CCDC148: variants seen among roughly 807,000 people sequenced by gnomAD.
CCDC148 encodes coiled-coil domain-containing protein 148.
CCDC148 carries 89 observed loss-of-function variants against 85.7 expected under a neutral mutation model. The observed-to-expected ratio is 1.04, with a 90% CI of 0.87 to 1.24. The LOEUF (loss-of-function observed/expected upper bound fraction) is 1.24, where lower values mean the gene tolerates loss of function less well. CCDC148 is among the 50% of genes most tolerant of loss of function. The pLI is 0.00. For synonymous variants in CCDC148, 230 were observed against 213.9 expected, an observed-to-expected ratio of 1.08 and a Z score of -0.66; for missense variants, 692 against 671.7, an observed-to-expected ratio of 1.03 and a Z score of -0.33.
chr2:158,242,423 C>T (rs1479219785), intron 10 of CCDC148, among the ~76,000 whole-genome samples: 3 of 152,220 alleles, frequency 2.0e-5, no homozygotes, highest in East Asian at 3.9e-4. Flanking sequence ...TCTTATCATA[C>T]AAATGCAAAT....
intron 9 of CCDC148, among the ~76,000 whole-genome samples, chr2:158,283,750 A>G (rs1005886169): frequency 1.3e-5 from 2 of 151,946 alleles, no homozygotes; most frequent in Middle Eastern, 3.2e-3. Flanking sequence ...TAGAAATACC[A>G]TTTGACCCAG....
At chr2:158,394,502 G>T (rs1186820895) in intron 1 of CCDC148, among the ~76,000 whole-genome samples, 1 of 151,928 alleles carries the variant, frequency 6.6e-6, no homozygotes, top group Non-Finnish European at 1.5e-5. Flanking sequence ...GCTGTTTTGG[G>T]CAAAGCTGTC....
At chr2:158,352,925 C>T (rs1342691448) in intron 2 of CCDC148, among the ~76,000 whole-genome samples, 1 of 151,544 alleles carries the variant, frequency 6.6e-6, no homozygotes, top group Admixed American at 6.6e-5. Context: ...CAATATTCAA[C>T]ATTCTTAAAG....
chr2:158,353,038 T>A (rs1683407999), intron 2 of CCDC148, among the ~76,000 whole-genome samples: 1 of 151,488 alleles, frequency 6.6e-6, no homozygotes, highest in Non-Finnish European at 1.5e-5. Flanking sequence ...AGAGATTTTG[T>A]CACCACCACG....
intron 1 of CCDC148, chr2:158,380,948 C>G (rs556192872): frequency 2.0e-5 from 3 of 152,028 alleles, no homozygotes; most frequent in Admixed American, 2.0e-4. Context: ...TCCTACTTCC[C>G]AACAGTCACA....
At chr2:158,268,214 G>C (rs1689554944) in intron 9 of CCDC148, among the ~76,000 whole-genome samples, 1 of 152,088 alleles carries the variant, frequency 6.6e-6, no homozygotes, top group African/African-American at 2.4e-5. Context: ...AATGCATAAG[G>C]GTTCCAGTTG....
At chr2:158,235,753 T>G (rs748291469) in intron 10 of CCDC148, 1 of 152,110 alleles carries the variant, frequency 6.6e-6, no homozygotes, top group Non-Finnish European at 1.5e-5. Context: ...CACTGAAAAT[T>G]AGGATAAGTT....
chr2:158,218,574 G>A (rs1044737049), intron 11 of CCDC148, among the ~76,000 whole-genome samples: 1 of 152,226 alleles, frequency 6.6e-6, no homozygotes, highest in East Asian at 1.9e-4. Flanking sequence ...GGTAATTTTA[G>A]TGGAAGCCTG....
At chr2:158,349,696 C>T (rs1683165835) in intron 2 of CCDC148, among the ~76,000 whole-genome samples, 1 of 151,846 alleles carries the variant, frequency 6.6e-6, no homozygotes. Flanking sequence ...AATTAGAAGA[C>T]TCCAAAAAAT....
In CCDC148 at chr2:158,347,929, A is replaced by G. The variant is rs182194727; in HGVS notation, c.148-2611T>C. ...AAAAAGAAAAAACAACTACAGTAAG[A>G]TGCAATTTCTCATTTATCGGGTTGA... is the stretch of plus-strand genomic sequence containing the variant. On this transcript the variant is annotated intron_variant, in intron 2 of 13. Transcript: ENST00000283233. Among the ~76,000 whole-genome samples the G allele has an allele frequency of 7.2e-4, 110 of 152,230 alleles. 1 individual carries two copies. The highest frequency in any genetic ancestry group is 2.5e-3 in the African/African-American group (105 of 41,584).
chr2:158,346,637 T>C (rs1683009456), intron 2 of CCDC148, among the ~76,000 whole-genome samples: 1 of 152,212 alleles, frequency 6.6e-6, no homozygotes. Flanking sequence ...AACCGAAGTA[T>C]TCCATATTAA....
chr2:158,348,189 C>T (rs997541759), intron 2 of CCDC148, among the ~76,000 whole-genome samples: 3 of 151,960 alleles, frequency 2.0e-5, no homozygotes, highest in African/African-American at 4.8e-5. Flanking sequence ...CACTGCAGTA[C>T]CATTTGTAAT....
Position 158,350,293 on chromosome 2 carries a change from A to G in CCDC148, c.148-4975T>C, listed in dbSNP as rs536792408. 2.0e-5 allele frequency among the ~76,000 whole-genome samples: 3 copies of G among 152,314 alleles called. No homozygotes were observed. In the South Asian group the frequency reaches 6.2e-4, roughly 32 times the overall value. On this transcript the variant is annotated intron_variant, in intron 2 of 13. Transcript: ENST00000283233. ...ACCAAAGAGAAATTCACTTTGATAA[A>G]ATACTGATTTTAACACTCAACCATT...
intron 11 of CCDC148, among the ~76,000 whole-genome samples, chr2:158,193,560 C>A (rs1037180138): frequency 6.6e-6 from 1 of 151,670 alleles, no homozygotes; most frequent in Non-Finnish European, 1.5e-5. Flanking sequence ...CAGATAGTAA[C>A]GATAATCCTT....
At chr2:158,446,477 A>G (rs1204715060) in intron 1 of CCDC148, among the ~76,000 whole-genome samples, 1 of 152,040 alleles carries the variant, frequency 6.6e-6, no homozygotes, top group Admixed American at 6.6e-5. Context: ...TTTAATGTTT[A>G]ACAGCTGGGT....
At chr2:158,377,282 G>GT (rs201309471) in intron 1 of CCDC148, among the ~76,000 whole-genome samples, 4,070 of 151,708 alleles carry the variant, frequency 0.027, 73 homozygotes, top group Middle Eastern at 0.092. Context: ...CGATGGTGTG[G>GT]GGGGGGTGGG....
intron 9 of CCDC148, among the ~76,000 whole-genome samples, chr2:158,275,685 T>C (rs920779452): frequency 2.0e-5 from 3 of 151,646 alleles, no homozygotes; most frequent in African/African-American, 7.3e-5. Flanking sequence ...CAGTTGGTTA[T>C]ATTTATGCAA....
intron 9 of CCDC148, among the ~76,000 whole-genome samples, chr2:158,255,297 A>G (rs995454061): frequency 1.3e-5 from 2 of 150,548 alleles, no homozygotes; most frequent in Non-Finnish European, 3.0e-5. Flanking sequence ...TGGTACCAGG[A>G]AAAAAAAAGG....
rs369631076 is a variant in CCDC148 at position 158,220,588 on chromosome 2, C to A, written c.1370+7G>T. The A allele has an allele frequency of 1.3e-6, 2 of 1,593,092 alleles. No homozygotes were observed. Among genetic ancestry groups the A allele is most frequent in the African/African-American group, 1.3e-5 (1 of 74,174 alleles). On this transcript the variant is annotated splice_region_variant and intron_variant, in intron 11 of 13. Transcript: ENST00000283233. ...CCATTACCACACAATTTTAAATTTTCTTTTACCTTTCTCTGTCTTTTAGTG... is the reference window on the plus strand; with the variant it reads ...CCATTACCACACAATTTTAAATTTTATTTTACCTTTCTCTGTCTTTTAGTG...
Sources: allele counts gnomAD v4.1 joint callset (sites outside exome capture counted in the v4.1 genomes callset), GRCh38; gene constraint gnomAD v4.1.1; transcripts MANE v1.5; gene names NCBI Gene and HGNC (gene_info 2026-07-23, HGNC 2026-07-21).